The following FLVCR1 variants were observed in gnomAD, a reference collection of about 807,000 sequenced individuals.
The protein encoded by FLVCR1 is FLVCR choline and heme transporter 1.
A neutral mutation model predicts 53.6 loss-of-function variants in FLVCR1; 34 were observed. The observed-to-expected ratio is 0.63, with a 90% CI of 0.48 to 0.84. The LOEUF is 0.84. Among genes scored for constraint, FLVCR1 ranks in the 40% least tolerant of loss-of-function variants. The pLI is 0.00. For missense variants in FLVCR1, 677 were observed against 696.7 expected (o/e 0.97, Z 0.32); for synonymous variants, 300 against 286.3 (o/e 1.05, Z -0.48).
chr1:212,895,236 A>C lies in FLVCR1; in HGVS notation c.1614A>C (p.Thr538=), dbSNP rs770041843. Residue 538 remains threonine, a synonymous_variant, in exon 10 of 10, where the codon ACA becomes ACC. Transcript: ENST00000366971. Reference sequence around the variant, plus strand: ...TATAGATACCAGCTGACAGTCCCACAGACCAAGAACCAAAAACGGTTATGT... The same window carrying C: ...TATAGATACCAGCTGACAGTCCCACCGACCAAGAACCAAAAACGGTTATGT... ...DVKAIPADSP[T]DQEPKTVMLS... is the part of the protein sequence containing the mutation. 1 of 1,613,312 alleles carries C rather than the reference A, an allele frequency of 6.2e-7. No homozygotes were observed. The highest frequency in any genetic ancestry group is 1.1e-5 in the South Asian group (1 of 91,058).
At chr1:212,884,152 A>T (rs1664996696) in intron 4 of FLVCR1, among the ~76,000 whole-genome samples, 1 of 152,184 alleles carries the variant, frequency 6.6e-6, no homozygotes, top group Non-Finnish European at 1.5e-5. Context: ...ATACAAAATT[A>T]GCTGGGCATG....
intron 5 of FLVCR1, among the ~76,000 whole-genome samples, chr1:212,887,194 A>C (rs1251521407): frequency 6.6e-6 from 1 of 152,242 alleles, no homozygotes; most frequent in East Asian, 1.9e-4. Context: ...GATAGCTTAG[A>C]GTGAAACCTA....
intron 4 of FLVCR1, among the ~76,000 whole-genome samples, chr1:212,883,849 T>C (rs1311509127): frequency 6.6e-6 from 1 of 152,082 alleles, no homozygotes; most frequent in Non-Finnish European, 1.5e-5. Context: ...CTTTTTTTTT[T>C]TTTTTTGGAA....
intron 3 of FLVCR1, among the ~76,000 whole-genome samples, chr1:212,882,799 C>CT (rs35983137): frequency 0.46 from 70,311 of 151,664 alleles, 17,512 homozygotes; most frequent in East Asian, 0.56. Context: ...CTTTGGGAGG[C>CT]GAGGCAGTAG....
chr1:212,890,520 A>C (rs931824595), intron 8 of FLVCR1, among the ~76,000 whole-genome samples: 5 of 152,254 alleles, frequency 3.3e-5, no homozygotes, highest in African/African-American at 1.2e-4. Context: ...AGTTTGTGTT[A>C]GGCCACATTC....
intron 8 of FLVCR1, among the ~76,000 whole-genome samples, chr1:212,894,321 T>G (rs1156922591): frequency 6.6e-6 from 1 of 152,056 alleles, no homozygotes; most frequent in Non-Finnish European, 1.5e-5. Context: ...GCCTGGCTAA[T>G]TTTTTGTGTT....
At chr1:212,863,120 A>G (rs768212446) in intron 1 of FLVCR1, among the ~76,000 whole-genome samples, 1 of 152,134 alleles carries the variant, frequency 6.6e-6, no homozygotes, top group Admixed American at 6.6e-5. Flanking sequence ...TGTCAGCCTT[A>G]TTTTGCATAT....
Position 212,858,420 on chromosome 1 carries a change from G to GGGGGAGCGAGGTGGCGCC in FLVCR1, c.-25_-8dup. On this transcript the variant is annotated 5_prime_UTR_variant, in exon 1 of 10. Transcript: ENST00000366971. ...GGAGAGCGGAGTCGGGGAGTGGGGC[G>GGGGGAGCGAGGTGGCGCC]GGGGAGCGAGGTGGCGCCGGGGAGC... 1.4e-6 allele frequency: 2 copies of GGGGGAGCGAGGTGGCGCC among 1,426,900 alleles called. No homozygotes were observed. The highest frequency in any genetic ancestry group is 3.0e-5 in the South Asian group (2 of 67,442). 88.4% of individuals were successfully genotyped at this position (1,426,900 alleles called of 1,614,324 possible). A position where few individuals can be genotyped will look rare whatever the true frequency, so the allele number is the denominator to read the frequency against.
rs2102581709 is a variant in FLVCR1, at chr1:212,898,724, A to T, written c.*3434A>T. ...GCTACATTCTGAGAAATTTGTCATT[A>T]GGTGATTTCATCATTGTGTGAACAT... On this transcript the variant is annotated 3_prime_UTR_variant, in exon 10 of 10. Transcript: ENST00000366971. 2.0e-5 allele frequency: 3 copies of T among 152,356 alleles called. No individual in the cohort carries two copies. The highest frequency in any genetic ancestry group is 3.9e-4 in the East Asian group (2 of 5,192). The allele number at this position is 152,356 out of a possible 1,614,324, so 9.4% of individuals were successfully genotyped here.
intron 2 of FLVCR1, among the ~76,000 whole-genome samples, chr1:212,869,406 T>C (rs374915057): frequency 6.6e-6 from 1 of 152,260 alleles, no homozygotes; most frequent in African/African-American, 2.4e-5. Context: ...AGACTTAAGT[T>C]CGACTTTCCT....
At chr1:212,892,673 G>A (rs535965954) in intron 8 of FLVCR1, among the ~76,000 whole-genome samples, 13 of 152,266 alleles carry the variant, frequency 8.5e-5, no homozygotes, top group Non-Finnish European at 1.6e-4. Context: ...TCTGCAGCCC[G>A]TGGATCAAGG....
chr1:212,873,604 A>G (rs1664669003), intron 3 of FLVCR1, among the ~76,000 whole-genome samples: 1 of 152,186 alleles, frequency 6.6e-6, no homozygotes, highest in South Asian at 2.1e-4. Context: ...TCATCCTGAC[A>G]CTGTAGCTTT....
chr1:212,860,407 C>T (rs1286852467), intron 1 of FLVCR1, among the ~76,000 whole-genome samples: 2 of 121,712 alleles, frequency 1.6e-5, no homozygotes, highest in Admixed American at 1.0e-4. Flanking sequence ...ATGCTTGTCT[C>T]GAACTGCTGA....
rs58243050 is a variant in FLVCR1 at position 212,878,533 on chromosome 1, C to CAA, written c.1025-4818_1025-4817dup. Among the ~76,000 whole-genome samples, 60 of 112,758 alleles carry CAA rather than the reference C, an allele frequency of 5.3e-4. 1 individual carries two copies. Among genetic ancestry groups the CAA allele is most frequent in the African/African-American group, 1.9e-3 (52 of 26,742 alleles). 74.0% of individuals were successfully genotyped at this position (112,758 alleles called of 152,430 possible). On this transcript the variant is annotated intron_variant, in intron 3 of 9. Coordinates refer to ENST00000366971, the MANE Select transcript of FLVCR1 (RefSeq NM_014053.4). ...TGGGCGACAGAGTGAGTCTCCGTCT[C>CAA]AAAAAAAAAAAAAAAAAAAAATACA...
At chr1:212,880,626 G>C (rs969438376) in intron 3 of FLVCR1, among the ~76,000 whole-genome samples, 2 of 151,798 alleles carry the variant, frequency 1.3e-5, no homozygotes, top group Non-Finnish European at 2.9e-5. Context: ...GGTGAAACCC[G>C]GTCTCTAATA....
chr1:212,876,245 T>C (rs909301213), intron 3 of FLVCR1, among the ~76,000 whole-genome samples: 1 of 152,150 alleles, frequency 6.6e-6, no homozygotes, highest in Admixed American at 6.5e-5. Context: ...GTCCATGTGT[T>C]CTCATCATTC....
intron 3 of FLVCR1, among the ~76,000 whole-genome samples, chr1:212,878,685 A>G (rs1558116124): frequency 6.6e-6 from 1 of 152,184 alleles, no homozygotes; most frequent in Non-Finnish European, 1.5e-5. Flanking sequence ...ATGAAAAGAT[A>G]TCTTTTATAA....
intron 2 of FLVCR1, among the ~76,000 whole-genome samples, chr1:212,871,213 T>C (rs1164206287): frequency 6.6e-6 from 1 of 152,200 alleles, no homozygotes; most frequent in Non-Finnish European, 1.5e-5. Context: ...AAACCTTCTA[T>C]TGATACCTGG....
chr1:212,880,156 G>C (rs1402985292), intron 3 of FLVCR1, among the ~76,000 whole-genome samples: 1 of 152,096 alleles, frequency 6.6e-6, no homozygotes, highest in African/African-American at 2.4e-5. Flanking sequence ...GTGCATTCTT[G>C]AGCTCAGTGG....
Sources: gnomAD v4.1 joint callset for allele counts (sites outside exome capture counted in the v4.1 genomes callset) on GRCh38, gnomAD v4.1.1 for gene constraint, MANE v1.5 for transcripts, NCBI Gene and HGNC (gene_info 2026-07-23, HGNC 2026-07-21) for gene names.